Variants in DPYD observed in about 807,000 individuals in gnomAD.
DPYD encodes the protein dihydropyrimidine dehydrogenase [NADP(+)].
Under a neutral mutation model 116.2 loss-of-function variants are expected in DPYD, and 109 were observed. That is an observed-to-expected ratio of 0.94 (90% CI 0.80 to 1.10). The LOEUF (loss-of-function observed/expected upper bound fraction) is 1.10. DPYD is among the 50% of genes least tolerant of loss of function. DPYD has a pLI of 0.00. For synonymous variants in DPYD, 440 were observed against 432.0 expected (o/e 1.02, Z -0.23); for missense variants, 1,302 against 1,254.5 (o/e 1.04, Z -0.57).
intron 5 of DPYD, among the ~76,000 whole-genome samples, chr1:97,703,760 T>C (rs1475274167): frequency 1.3e-5 from 2 of 152,062 alleles, no homozygotes; most frequent in Non-Finnish European, 2.9e-5. Flanking sequence ...TAGATATAAA[T>C]AATCTCATGA....
At chr1:97,099,496 C>T (rs1448202551) in intron 20 of DPYD, among the ~76,000 whole-genome samples, 2 of 152,074 alleles carry the variant, frequency 1.3e-5, no homozygotes, top group Non-Finnish European at 2.9e-5. Context: ...TTTGTCCTTC[C>T]CCTCTTCTAG....
chr1:97,491,050 AT>A (rs1678946025), intron 13 of DPYD, among the ~76,000 whole-genome samples: 1 of 149,142 alleles, frequency 6.7e-6, no homozygotes, highest in Non-Finnish European at 1.5e-5. Flanking sequence ...CTCTCATAAA[AT>A]GATCTAATGA....
intron 19 of DPYD, among the ~76,000 whole-genome samples, chr1:97,194,768 G>A (rs1460557157): frequency 9.9e-5 from 15 of 152,106 alleles, no homozygotes; most frequent in Admixed American, 9.2e-4. Context: ...CTCCCAAAGT[G>A]CTGGGATTAC....
intron 22 of DPYD, among the ~76,000 whole-genome samples, chr1:97,081,853 C>A (rs1430925162): frequency 7.9e-5 from 12 of 151,748 alleles, no homozygotes; most frequent in Non-Finnish European, 1.6e-4. Context: ...CTGGGACCAA[C>A]CTATACAACT....
intron 1 of DPYD, among the ~76,000 whole-genome samples, chr1:97,894,398 G>C (rs995268318): frequency 1.3e-5 from 2 of 151,744 alleles, no homozygotes; most frequent in Non-Finnish European, 2.9e-5. Flanking sequence ...GTTCATAACA[G>C]ACAAGGAAAG....
chr1:97,449,011 A>G lies in DPYD; in HGVS notation c.1905+1048T>C, dbSNP rs1355934059. 2.6e-5 allele frequency among the ~76,000 whole-genome samples: 4 copies of G among 151,932 alleles called. No homozygotes were observed. In the East Asian group the frequency reaches 7.7e-4, roughly 29 times the overall value. ...TCTATGTGCATGTATTTTATTTCAAAATTATCAAGAGATAATTTTGAAATA... is the reference window on the plus strand; with the variant it reads ...TCTATGTGCATGTATTTTATTTCAAGATTATCAAGAGATAATTTTGAAATA... On this transcript the variant is annotated intron_variant, in intron 14 of 22. Transcript: ENST00000370192.
chr1:97,550,064 C>T (rs1472619381), intron 11 of DPYD, among the ~76,000 whole-genome samples: 4 of 152,150 alleles, frequency 2.6e-5, no homozygotes, highest in Non-Finnish European at 4.4e-5. Context: ...ATACAAAATA[C>T]ATTTTTCTAA....
At chr1:97,666,998 G>C (rs535289600) in intron 8 of DPYD, among the ~76,000 whole-genome samples, 1 of 152,064 alleles carries the variant, frequency 6.6e-6, no homozygotes, top group African/African-American at 2.4e-5. Context: ...AATCCGCCCT[G>C]CTACTCATTT....
intron 20 of DPYD, among the ~76,000 whole-genome samples, chr1:97,187,383 A>G (rs923659480): frequency 6.6e-6 from 1 of 152,088 alleles, no homozygotes; most frequent in African/African-American, 2.4e-5. Flanking sequence ...CTTTTGAAAA[A>G]TGTCTGTTCA....
intron 3 of DPYD, among the ~76,000 whole-genome samples, chr1:97,753,596 A>G (rs1000430948): frequency 2.6e-5 from 4 of 152,150 alleles, no homozygotes; most frequent in African/African-American, 7.2e-5. Flanking sequence ...TATATTTTAT[A>G]TATGACTGAA....
chr1:97,685,551 C>T (rs1460752063), intron 7 of DPYD, among the ~76,000 whole-genome samples: 1 of 152,056 alleles, frequency 6.6e-6, no homozygotes, highest in Non-Finnish European at 1.5e-5. Context: ...GGAAGTCGAA[C>T]TGCCTGTTTG....
intron 1 of DPYD, among the ~76,000 whole-genome samples, chr1:97,900,826 CTCCT>C (rs1673331366): frequency 1.3e-5 from 2 of 151,868 alleles, no homozygotes; most frequent in South Asian, 2.1e-4. Context: ...AAATCCCTCC[CTCCT>C]ATCAAGCCGC....
chr1:97,247,022 A>G (rs1387075804), intron 18 of DPYD, among the ~76,000 whole-genome samples: 1 of 152,088 alleles, frequency 6.6e-6, no homozygotes, highest in Non-Finnish European at 1.5e-5. Context: ...GTCTGATGAA[A>G]AGTAATATTA....
intron 19 of DPYD, among the ~76,000 whole-genome samples, chr1:97,208,645 C>A (rs1481947777): frequency 6.6e-6 from 1 of 152,054 alleles, no homozygotes; most frequent in Non-Finnish European, 1.5e-5. Context: ...TCAAAAACTA[C>A]CTACTAATTA....
At chr1:97,683,168 A>T (rs973162828) in intron 7 of DPYD, among the ~76,000 whole-genome samples, 1 of 152,042 alleles carries the variant, frequency 6.6e-6, no homozygotes, top group Non-Finnish European at 1.5e-5. Context: ...AATAGACCAA[A>T]TATTTCCAGA....
In DPYD at chr1:97,407,975, T is replaced by C. The variant is rs892257814; in HGVS notation, c.1906-25514A>G. Among the ~76,000 whole-genome samples the C allele has an allele frequency of 5.9e-5, 9 of 152,236 alleles. No individual in the cohort carries two copies. The East Asian group carries it at 1.5e-3, about 26-fold the overall frequency. On this transcript the variant is annotated intron_variant, in intron 14 of 22. Coordinates refer to ENST00000370192, the MANE Select transcript of DPYD (RefSeq NM_000110.4). The stretch of plus-strand genomic sequence containing the variant: ...GGAGTTATAGTGTTGGCTGGGGTGA[T>C]TGACCCAGCCTATCAAGATGAAATC...
chr1:97,556,896 G>A (rs1396263115), intron 11 of DPYD, among the ~76,000 whole-genome samples: 3 of 150,266 alleles, frequency 2.0e-5, no homozygotes, highest in Non-Finnish European at 4.5e-5. Context: ...GGGTCAAATG[G>A]TATTTCCAGT....
At chr1:97,644,813 T>C (rs1658161072) in intron 8 of DPYD, among the ~76,000 whole-genome samples, 1 of 152,020 alleles carries the variant, frequency 6.6e-6, no homozygotes, top group South Asian at 2.1e-4. Flanking sequence ...GAATAATTAA[T>C]ATATTCACAT....
intron 2 of DPYD, among the ~76,000 whole-genome samples, chr1:97,860,308 A>G (rs1346636467): frequency 2.0e-5 from 3 of 152,210 alleles, no homozygotes; most frequent in Admixed American, 2.0e-4. Flanking sequence ...ATAAAATTCT[A>G]AACATTTTTT....
Sources: gnomAD v4.1 joint callset for allele counts (sites outside exome capture counted in the v4.1 genomes callset) on GRCh38, gnomAD v4.1.1 for gene constraint, MANE v1.5 for transcripts, NCBI Gene and HGNC (gene_info 2026-07-23, HGNC 2026-07-21) for gene names.